CASQ2: variants seen among roughly 807,000 people sequenced by gnomAD.
The protein encoded by CASQ2 is calsequestrin 2, also known as calsequestrin-2.
Under a neutral mutation model 46.5 loss-of-function variants are expected in CASQ2, and 49 were observed. That is an observed-to-expected ratio of 1.05 (90% CI 0.84 to 1.34). CASQ2 has a LOEUF of 1.34. Ranked by LOEUF, CASQ2 falls within the 40% of genes most tolerant of loss-of-function variation. The probability of loss-of-function intolerance (pLI) is 0.00; values close to 1 mark genes in which losing one functional copy is unlikely to be tolerated. For missense variants in CASQ2, 486 were observed against 481.3 expected, an observed-to-expected ratio of 1.01 and a Z score of -0.09; for synonymous variants, 174 against 168.5, an observed-to-expected ratio of 1.03 and a Z score of -0.25.
In CASQ2 at chr1:115,768,580, G is replaced by A. The variant is rs1319928670; in HGVS notation, c.-39C>T. ...TGTTTCTCGTTCCCAAATATGCTGTGTGCAGAATAGAGGACAGAAGACTGT... is the reference window on the plus strand; with the variant it reads ...TGTTTCTCGTTCCCAAATATGCTGTATGCAGAATAGAGGACAGAAGACTGT... On this transcript the variant is annotated 5_prime_UTR_variant, in exon 1 of 11. Transcript: ENST00000261448. The A allele has an allele frequency of 8.0e-7, 1 of 1,256,392 alleles. No individual in the cohort carries two copies. 77.8% of individuals were successfully genotyped at this position (1,256,392 alleles called of 1,614,324 possible). A position where few individuals can be genotyped will look rare whatever the true frequency, so the allele number is the denominator to read the frequency against.
chr1:115,750,084 A>C (rs1050384347), intron 1 of CASQ2, among the ~76,000 whole-genome samples: 5 of 152,246 alleles, frequency 3.3e-5, no homozygotes, highest in Admixed American at 2.0e-4. Flanking sequence ...GACACTCAGC[A>C]TACTTGTGGA....
chr1:115,757,774 C>T (rs2101116909), intron 1 of CASQ2, among the ~76,000 whole-genome samples: 1 of 152,254 alleles, frequency 6.6e-6, no homozygotes, highest in South Asian at 2.1e-4. Flanking sequence ...CGAACAGGTT[C>T]CTGAATCTGG....
intron 5 of CASQ2, chr1:115,732,344 C>T (rs1392523096): frequency 6.4e-6 from 1 of 156,204 alleles, no homozygotes; most frequent in Non-Finnish European, 1.4e-5. Flanking sequence ...ATAGAGCACT[C>T]TTCTGGATCA....
chr1:115,719,277 G>C (rs764306909), intron 7 of CASQ2, among the ~76,000 whole-genome samples: 28 of 146,736 alleles, frequency 1.9e-4, no homozygotes, highest in Non-Finnish European at 3.9e-4. Context: ...TACACAAATC[G>C]ACAGCAACCA....
At chr1:115,732,045 G>A (rs1217677738) in intron 5 of CASQ2, 1 of 152,270 alleles carries the variant, frequency 6.6e-6, no homozygotes, top group Admixed American at 6.5e-5. Flanking sequence ...CTCCCAAGTA[G>A]TTCGGACTAC....
At chr1:115,743,573 C>CT (rs959051228) in intron 2 of CASQ2, among the ~76,000 whole-genome samples, 21 of 151,776 alleles carry the variant, frequency 1.4e-4, no homozygotes, top group Admixed American at 5.9e-4. Flanking sequence ...TAATTTAAAT[C>CT]TTTTTTTTAA....
At chr1:115,731,295 C>T (rs545961163) in intron 5 of CASQ2, among the ~76,000 whole-genome samples, 39 of 152,272 alleles carry the variant, frequency 2.6e-4, no homozygotes, top group African/African-American at 6.0e-4. Flanking sequence ...CTGAGCTCAA[C>T]GTTGAACCAC....
Position 115,701,188 on chromosome 1 carries a change from G to C in CASQ2, c.*53C>G. 6.2e-7 allele frequency: 1 copy of C among 1,612,798 alleles called. No homozygotes were observed. Among genetic ancestry groups the C allele is most frequent in the Non-Finnish European group, 8.5e-7 (1 of 1,180,002 alleles). ...TGCTTGCTGCCACCTTGTGCTGTCT[G>C]TATGGTAGTGGGTGCTGTGATTTTG... On this transcript the variant is annotated 3_prime_UTR_variant, in exon 11 of 11. Transcript: ENST00000261448.
At position 115,738,311 on chromosome 1, in the gene CASQ2, T is replaced by C; in HGVS notation, c.445A>G (p.Ile149Val). 6.2e-7 allele frequency: 1 copy of C among 1,611,826 alleles called. No individual in the cohort carries two copies. Among genetic ancestry groups the C allele is most frequent in the Non-Finnish European group, 8.5e-7 (1 of 1,177,846 alleles). ...LDLIEDPVEI[I>V]SSKLEVQAFE... is the part of the protein sequence containing the mutation. ...GCTTGGACTTCCAGTTTGCTGCTGATGATCTCCACTGGGTCTTCAATTAGC... is the reference window on the plus strand; with the variant it reads ...GCTTGGACTTCCAGTTTGCTGCTGACGATCTCCACTGGGTCTTCAATTAGC... The change falls in exon 4 of 11, where the codon ATC becomes GTC. Residue 149 changes from isoleucine to valine, a missense_variant. Physicochemically the swap from Ile to Val is conservative, Grantham distance 29. Coordinates refer to ENST00000261448, the MANE Select transcript of CASQ2 (RefSeq NM_001232.4).
intron 5 of CASQ2, 79 bp downstream of exon 5, chr1:115,732,819 GAAA>G: frequency 5.2e-6 from 5 of 970,016 alleles, no homozygotes; most frequent in Non-Finnish European, 8.4e-6. Flanking sequence ...GTTGCTAAAA[GAAA>G]AGAAAGAGTG....
intron 1 of CASQ2, among the ~76,000 whole-genome samples, chr1:115,754,454 A>T (rs986693969): frequency 6.6e-6 from 1 of 152,172 alleles, no homozygotes; most frequent in African/African-American, 2.4e-5. Context: ...TTAAAAAAGC[A>T]CTTACTGGGT....
intron 8 of CASQ2, among the ~76,000 whole-genome samples, chr1:115,711,697 G>A (rs994905712): frequency 5.9e-5 from 9 of 151,312 alleles, no homozygotes; most frequent in Non-Finnish European, 8.8e-5. Flanking sequence ...CTCTGTCACC[G>A]AGGCTGGAGT....
At chr1:115,760,409 C>T (rs774904676) in intron 1 of CASQ2, among the ~76,000 whole-genome samples, 15 of 152,066 alleles carry the variant, frequency 9.9e-5, no homozygotes, top group Non-Finnish European at 1.5e-4. Context: ...GTCTGGGGTC[C>T]GCCTTTTTAT....
At chr1:115,720,779 T>C (rs1056725077) in intron 7 of CASQ2, among the ~76,000 whole-genome samples, 1 of 152,214 alleles carries the variant, frequency 6.6e-6, no homozygotes, top group Non-Finnish European at 1.5e-5. Context: ...TGAGACTGTT[T>C]CGTCTACTTA....
chr1:115,744,012 C>T (rs7524305), intron 2 of CASQ2, among the ~76,000 whole-genome samples: 107,745 of 151,198 alleles, frequency 0.71, 42,055 homozygotes, highest in Non-Finnish European at 0.88. Context: ...AGCGTGGTGG[C>T]GTGTGACTGT....
intron 8 of CASQ2, among the ~76,000 whole-genome samples, chr1:115,710,974 C>G (rs181041929): frequency 1.1e-4 from 16 of 152,184 alleles, no homozygotes; most frequent in African/African-American, 3.9e-4. Flanking sequence ...CCTAGGGGAC[C>G]GGTCCCAGGC....
At chr1:115,705,440 G>A in intron 8 of CASQ2, 148 bp from the exon 9 acceptor site, 1 of 698,398 alleles carries the variant, frequency 1.4e-6, no homozygotes, top group Non-Finnish European at 2.6e-6. Context: ...TGAGTCAGAT[G>A]AGAGCTCCAG....
chr1:115,726,966 C>CCCCCCCCCCA, intron 6 of CASQ2, 26 bp downstream of exon 6: 7 of 1,520,298 alleles, frequency 4.6e-6, no homozygotes, highest in East Asian at 2.3e-5. Context: ...CCCAGGCCCC[C>CCCCCCCCCCA]AGCCCCCACA....
chr1:115,738,425 C>T (rs533753097), intron 3 of CASQ2, 90 bp from the exon 4 acceptor site: 62 of 890,948 alleles, frequency 7.0e-5, no homozygotes, highest in Admixed American at 2.9e-4. Context: ...GAAGTTGTAG[C>T]GGACTTTGTG....
Sources: allele counts gnomAD v4.1 joint callset (sites outside exome capture counted in the v4.1 genomes callset), GRCh38; gene constraint gnomAD v4.1.1; transcripts MANE v1.5; gene names NCBI Gene and HGNC (gene_info 2026-07-23, HGNC 2026-07-21).